Variants in LOC400499 observed in about 807,000 individuals in gnomAD.
At chr16:11,430,785 C>T in the LOC400499 span, among the ~76,000 whole-genome samples, 2 of 152,156 alleles carry the variant, frequency 1.3e-5, no homozygotes, top group South Asian at 2.1e-4. Context: ...TGTCCATTAG[C>T]GTGTTAAAGG....
At chr16:11,400,647 G>A in the LOC400499 span, among the ~76,000 whole-genome samples, 1 of 152,020 alleles carries the variant, frequency 6.6e-6, no homozygotes, top group Non-Finnish European at 1.5e-5. Context: ...CGCCATGTTG[G>A]CCAGGCTGGT....
At chr16:11,452,420 G>C in the LOC400499 span, among the ~76,000 whole-genome samples, 1 of 152,136 alleles carries the variant, frequency 6.6e-6, no homozygotes, top group African/African-American at 2.4e-5. Context: ...GGCTGCTGGA[G>C]GAAAGGCAGG....
chr16:11,525,528 C>T, the LOC400499 span, among the ~76,000 whole-genome samples: 1 of 152,150 alleles, frequency 6.6e-6, no homozygotes, highest in Admixed American at 6.6e-5. Context: ...ATCAATTTCC[C>T]TTCCAACTTT....
the LOC400499 span, chr16:11,484,841 G>C: frequency 5.0e-6 from 2 of 398,924 alleles, no homozygotes; most frequent in Non-Finnish European, 8.8e-6. Flanking sequence ...GGGTGGGCCT[G>C]CCTGGGGGAG....
the LOC400499 span, among the ~76,000 whole-genome samples, chr16:11,373,491 G>A: frequency 3.1e-4 from 47 of 152,134 alleles, no homozygotes; most frequent in African/African-American, 1.0e-3. Context: ...CTGCCACCAC[G>A]CCCGGCTAAT....
the LOC400499 span, among the ~76,000 whole-genome samples, chr16:11,465,953 C>T: frequency 6.6e-6 from 1 of 152,050 alleles, no homozygotes; most frequent in Non-Finnish European, 1.5e-5. Flanking sequence ...AACCTTGTGG[C>T]CTGGGAATTC....
At chr16:11,427,115 T>C in the LOC400499 span, among the ~76,000 whole-genome samples, 1 of 151,800 alleles carries the variant, frequency 6.6e-6, no homozygotes, top group Non-Finnish European at 1.5e-5. Context: ...CCCAGCACTT[T>C]GGGAGGCCTA....
the LOC400499 span, among the ~76,000 whole-genome samples, chr16:11,400,796 T>C: frequency 1.3e-5 from 2 of 152,142 alleles, no homozygotes; most frequent in African/African-American, 4.8e-5. Flanking sequence ...TTTTAATTCA[T>C]TCCTTGGCTT....
the LOC400499 span, among the ~76,000 whole-genome samples, chr16:11,454,866 G>A: frequency 6.6e-6 from 1 of 152,168 alleles, no homozygotes; most frequent in Non-Finnish European, 1.5e-5. Flanking sequence ...TGACCCAGAG[G>A]AGAAGTAAAA....
the LOC400499 span, among the ~76,000 whole-genome samples, chr16:11,464,578 A>G: frequency 2.4e-4 from 36 of 152,198 alleles, no homozygotes; most frequent in Non-Finnish European, 4.7e-4. Flanking sequence ...CTTTGAGACA[A>G]GTTGAACATA....
At chr16:11,455,810 A>C in the LOC400499 span, among the ~76,000 whole-genome samples, 1 of 151,854 alleles carries the variant, frequency 6.6e-6, no homozygotes, top group African/African-American at 2.4e-5. Context: ...AGGATGTATA[A>C]ACTTTAATCA....
the LOC400499 span, among the ~76,000 whole-genome samples, chr16:11,510,678 G>A: frequency 4.0e-5 from 6 of 151,662 alleles, no homozygotes; most frequent in East Asian, 1.9e-4. Context: ...CCAGAGCCCC[G>A]GCAGTGCTCA....
chr16:11,383,727 C>T, the LOC400499 span: 1 of 1,232,526 alleles, frequency 8.1e-7, no homozygotes, highest in African/African-American at 1.5e-5. Flanking sequence ...CAGGCTGGAG[C>T]TCCTGGGTGC....
the LOC400499 span, among the ~76,000 whole-genome samples, chr16:11,393,149 T>C: frequency 9.6e-6 from 1 of 103,748 alleles, no homozygotes; most frequent in Middle Eastern, 4.6e-3. Flanking sequence ...CCACCACGCC[T>C]GGCCACCCCC....
At chr16:11,401,449 G>T in the LOC400499 span, 3 of 399,282 alleles carry the variant, frequency 7.5e-6, no homozygotes, top group Non-Finnish European at 1.3e-5. Flanking sequence ...TGCCCAGACA[G>T]ACTGCACCTC....
the LOC400499 span, among the ~76,000 whole-genome samples, chr16:11,494,328 C>G: frequency 4.4e-3 from 638 of 145,014 alleles, 9 homozygotes; most frequent in African/African-American, 0.016. Context: ...CCCCTTCACC[C>G]CACCCCCACT....
chr16:11,518,875 C>A, the LOC400499 span: 2 of 399,156 alleles, frequency 5.0e-6, no homozygotes, highest in Non-Finnish European at 8.8e-6. Flanking sequence ...TGAGCAGGTC[C>A]CAGCCCCATG....
At chr16:11,449,126 G>A in the LOC400499 span, 2 of 1,424,008 alleles carry the variant, frequency 1.4e-6, no homozygotes, top group Non-Finnish European at 1.9e-6. Flanking sequence ...AGGTGAGGAG[G>A]GGGACCAAGG....
the LOC400499 span, chr16:11,412,991 A>C: frequency 2.5e-6 from 1 of 399,220 alleles, no homozygotes; most frequent in South Asian, 1.3e-4. Flanking sequence ...GTGGGTGTAC[A>C]TAGCCTGAGG....
Sources: allele counts gnomAD v4.1 joint callset (sites outside exome capture counted in the v4.1 genomes callset), GRCh38; gene constraint gnomAD v4.1.1; transcripts MANE v1.5.